GYPC: variants seen among roughly 807,000 people sequenced by gnomAD.
GYPC encodes the protein glycophorin C (Gerbich blood group).
In GYPC, 14 loss-of-function variants were observed where a neutral mutation model predicts 12.6. That is an observed-to-expected ratio of 1.11 (90% CI 0.74 to 1.74). The LOEUF (loss-of-function observed/expected upper bound fraction) is 1.74, where lower values mean the gene tolerates loss of function less well. Ranked by LOEUF, GYPC falls within the 40% of genes most tolerant of loss-of-function variation. The probability of loss-of-function intolerance (pLI) is 0.00; values close to 1 mark genes in which losing one functional copy is unlikely to be tolerated. For synonymous variants in GYPC, 78 were observed against 62.1 expected, an observed-to-expected ratio of 1.26 and a Z score of -1.20; for missense variants, 225 against 172.1, an observed-to-expected ratio of 1.31 and a Z score of -1.72.
intron 1 of GYPC, among the ~76,000 whole-genome samples, chr2:126,660,908 A>G (rs1682517683): frequency 1.3e-5 from 2 of 151,942 alleles, no homozygotes; most frequent in Admixed American, 1.3e-4. Flanking sequence ...TCATTTTCAT[A>G]TCCACTCCCT....
chr2:126,684,479 C>G (rs1683232094), intron 1 of GYPC, among the ~76,000 whole-genome samples: 1 of 152,166 alleles, frequency 6.6e-6, no homozygotes, highest in South Asian at 2.1e-4. Flanking sequence ...CCTCCCACCA[C>G]CATGCCCACT....
At chr2:126,694,010 G>A in intron 3 of GYPC, 63 bp downstream of exon 3, 2 of 1,107,208 alleles carry the variant, frequency 1.8e-6, no homozygotes, top group Non-Finnish European at 2.8e-6. Context: ...AAAACATCCA[G>A]GGGAGAACTG....
At chr2:126,692,328 G>A (rs558870426) in intron 2 of GYPC, among the ~76,000 whole-genome samples, 1 of 152,066 alleles carries the variant, frequency 6.6e-6, no homozygotes, top group Non-Finnish European at 1.5e-5. Context: ...GCCCATCTGT[G>A]TCCTGCTGTG....
At chr2:126,670,991 C>T (rs1445895574) in intron 1 of GYPC, among the ~76,000 whole-genome samples, 2 of 152,190 alleles carry the variant, frequency 1.3e-5, no homozygotes, top group Non-Finnish European at 2.9e-5. Context: ...CAACAGGAGA[C>T]TCTCTGATGG....
In GYPC at chr2:126,696,266, A is replaced by G. The variant is rs926401211; in HGVS notation, c.*124A>G. 1 of 788,914 alleles carries G rather than the reference A, an allele frequency of 1.3e-6. No individual in the cohort carries two copies. 48.9% of individuals were successfully genotyped at this position (788,914 alleles called of 1,614,324 possible). On this transcript the variant is annotated 3_prime_UTR_variant, in exon 4 of 4. Coordinates refer to ENST00000259254, the MANE Select transcript of GYPC (RefSeq NM_002101.5). ...GAGAGAGCACTTGATTCTTCCCGAG[A>G]TAGCCACCTGGAAACACTAGGTGCC...
At chr2:126,680,014 T>C (rs1321217761) in intron 1 of GYPC, 1 of 152,228 alleles carries the variant, frequency 6.6e-6, no homozygotes, top group Non-Finnish European at 1.5e-5. Context: ...GATTTTTACC[T>C]CTTTACGGTG....
intron 1 of GYPC, among the ~76,000 whole-genome samples, chr2:126,681,734 G>A (rs28387176): frequency 3.8e-4 from 56 of 148,790 alleles, no homozygotes; most frequent in African/African-American, 1.3e-3. Context: ...AGCCAAGATT[G>A]CGCCATTGCA....
intron 1 of GYPC, among the ~76,000 whole-genome samples, chr2:126,684,932 C>A: frequency 6.6e-6 from 1 of 152,268 alleles, no homozygotes; most frequent in South Asian, 2.1e-4. Context: ...GGACGCGCAC[C>A]ATATTCTCCT....
In GYPC at chr2:126,695,801, C is replaced by A. The variant is rs1260420238; in HGVS notation, c.191-145C>A. 1.6e-5 allele frequency: 12 copies of A among 728,744 alleles called. No individual in the cohort carries two copies. In the Admixed American group the frequency reaches 1.9e-4, roughly 12 times the overall value. 45.1% of individuals were successfully genotyped at this position (728,744 alleles called of 1,614,324 possible). ...TTAACTTATTATGGGCTTACAGGAA[C>A]CTGGCTCCCATCATAAATCAAGGAG... is the stretch of plus-strand genomic sequence containing the variant. On this transcript the variant is annotated intron_variant, in intron 3 of 3. Transcript: ENST00000259254.
At chr2:126,685,972 G>A (rs1157272624) in intron 1 of GYPC, 2 of 985,194 alleles carry the variant, frequency 2.0e-6, no homozygotes, top group Non-Finnish European at 2.4e-6. Context: ...CCCTCACCCT[G>A]TGCCTGAATT....
chr2:126,685,051 G>A (rs1234685969), intron 1 of GYPC, among the ~76,000 whole-genome samples: 1 of 152,142 alleles, frequency 6.6e-6, no homozygotes, highest in Non-Finnish European at 1.5e-5. Flanking sequence ...ATTTCTTGGG[G>A]GCACTTTATT....
intron 2 of GYPC, among the ~76,000 whole-genome samples, chr2:126,693,465 G>A (rs553778716): frequency 1.4e-4 from 21 of 152,176 alleles, no homozygotes; most frequent in African/African-American, 5.1e-4. Flanking sequence ...AACACAAAAT[G>A]GACTGAGACA....
At chr2:126,677,733 G>A (rs946136478) in intron 1 of GYPC, among the ~76,000 whole-genome samples, 11 of 152,138 alleles carry the variant, frequency 7.2e-5, no homozygotes, top group Non-Finnish European at 1.3e-4. Context: ...GTCCGGGAGG[G>A]GTGCTTGGAG....
At chr2:126,674,899 A>T (rs1358464156) in intron 1 of GYPC, among the ~76,000 whole-genome samples, 1 of 152,254 alleles carries the variant, frequency 6.6e-6, no homozygotes, top group South Asian at 2.1e-4. Context: ...TGGTGAGTTC[A>T]AACGGAGGCT....
intron 1 of GYPC, among the ~76,000 whole-genome samples, chr2:126,677,383 G>A (rs1022443552): frequency 3.3e-4 from 50 of 150,934 alleles, no homozygotes; most frequent in African/African-American, 1.2e-3. Flanking sequence ...AGGAGTGTGA[G>A]TGTGTTTATT....
At chr2:126,663,815 C>A (rs12692114) in intron 1 of GYPC, among the ~76,000 whole-genome samples, 1 of 152,036 alleles carries the variant, frequency 6.6e-6, no homozygotes, top group East Asian at 1.9e-4. Context: ...AGTGTGAAGC[C>A]GGGGGCCTCC....
At chr2:126,666,204 C>G (rs116724129) in intron 1 of GYPC, among the ~76,000 whole-genome samples, 3 of 152,148 alleles carry the variant, frequency 2.0e-5, no homozygotes, top group Non-Finnish European at 2.9e-5. Flanking sequence ...ACTCTTCCCC[C>G]GGGGAAGGAG....
chr2:126,658,574 C>G (rs1682437116), intron 1 of GYPC: 1 of 152,176 alleles, frequency 6.6e-6, no homozygotes, highest in South Asian at 2.1e-4. Flanking sequence ...ACCCAGTGGG[C>G]CAACAAGCAC....
intron 1 of GYPC, among the ~76,000 whole-genome samples, chr2:126,684,026 C>T (rs2104797266): frequency 6.6e-6 from 1 of 152,240 alleles, no homozygotes; most frequent in South Asian, 2.1e-4. Context: ...TGTTTTGATA[C>T]CGCAGCAGCA....
Sources: gnomAD v4.1 joint callset for allele counts (sites outside exome capture counted in the v4.1 genomes callset) on GRCh38, gnomAD v4.1.1 for gene constraint, MANE v1.5 for transcripts, NCBI Gene and HGNC (gene_info 2026-07-23, HGNC 2026-07-21) for gene names.